The following RBFOX1 variants were observed in gnomAD, a reference collection of about 807,000 sequenced individuals.
The protein encoded by RBFOX1 is RNA binding fox-1 homolog 1.
Under a neutral mutation model 57.7 loss-of-function variants are expected in RBFOX1, and 8 were observed. The ratio of observed to expected loss-of-function variants is 0.14; its 90% CI spans 0.08 to 0.25. The LOEUF (loss-of-function observed/expected upper bound fraction) is 0.25, where lower values mean the gene tolerates loss of function less well. Among genes scored for constraint, RBFOX1 ranks in the 10% least tolerant of loss-of-function variants. The pLI is 1.00. For missense variants in RBFOX1, 611 were observed against 548.5 expected (o/e 1.11, Z -1.14); for synonymous variants, 326 against 222.4 (o/e 1.47, Z -4.15).
chr16:7,182,298 G>A (rs895288793), intron 4 of RBFOX1, among the ~76,000 whole-genome samples: 7 of 152,082 alleles, frequency 4.6e-5, no homozygotes, highest in East Asian at 1.9e-4. Flanking sequence ...GTTGAATTCC[G>A]AGAGTCACCT....
At chr16:5,765,616 T>C (rs918604130) in intron 3 of RBFOX1, among the ~76,000 whole-genome samples, 1 of 152,182 alleles carries the variant, frequency 6.6e-6, no homozygotes. Context: ...CTGCTATGGA[T>C]TCTCTGCAAA....
chr16:6,247,452 C>G (rs890075116), intron 1 of RBFOX1, among the ~76,000 whole-genome samples: 2 of 152,110 alleles, frequency 1.3e-5, no homozygotes, highest in African/African-American at 4.8e-5. Context: ...TAGGGAGAGG[C>G]AGTTAGCTCA....
At chr16:7,091,787 T>C (rs914240140) in intron 4 of RBFOX1, among the ~76,000 whole-genome samples, 3 of 152,226 alleles carry the variant, frequency 2.0e-5, no homozygotes, top group African/African-American at 4.8e-5. Flanking sequence ...ATCTGTACTC[T>C]ACATTCTAGA....
intron 2 of RBFOX1, among the ~76,000 whole-genome samples, chr16:6,367,641 T>C (rs905583269): frequency 6.6e-6 from 1 of 151,734 alleles, no homozygotes; most frequent in East Asian, 1.9e-4. Context: ...AAAAATACCA[T>C]GAGAACATGG....
chr16:7,385,691 A>T (rs1199365450), intron 4 of RBFOX1, among the ~76,000 whole-genome samples: 4 of 152,128 alleles, frequency 2.6e-5, no homozygotes, highest in Non-Finnish European at 4.4e-5. Context: ...CTGGCAGATG[A>T]CATCTCAAGA....
intron 3 of RBFOX1, among the ~76,000 whole-genome samples, chr16:5,842,769 A>G (rs966178143): frequency 1.3e-5 from 2 of 152,014 alleles, no homozygotes; most frequent in African/African-American, 4.8e-5. Context: ...CTGAACAGCT[A>G]CTGTGTACCA....
At chr16:7,665,464 G>A (rs1364841959) in intron 13 of RBFOX1, among the ~76,000 whole-genome samples, 1 of 152,040 alleles carries the variant, frequency 6.6e-6, no homozygotes, top group Non-Finnish European at 1.5e-5. Context: ...AACATCTCCT[G>A]ATTCTCTTAA....
chr16:6,334,003 G>C (rs1284703766), intron 2 of RBFOX1, among the ~76,000 whole-genome samples: 1 of 152,124 alleles, frequency 6.6e-6, no homozygotes, highest in African/African-American at 2.4e-5. Flanking sequence ...GGGTAGGGGG[G>C]AGCAGGAAAC....
At chr16:7,700,947 G>A (rs1331436632) in intron 14 of RBFOX1, among the ~76,000 whole-genome samples, 1 of 152,092 alleles carries the variant, frequency 6.6e-6, no homozygotes, top group African/African-American at 2.4e-5. Context: ...ATTTGTGTAC[G>A]TATTATGTAT....
At chr16:5,536,675 C>T (rs1050694291) in intron 2 of RBFOX1, among the ~76,000 whole-genome samples, 3 of 151,936 alleles carry the variant, frequency 2.0e-5, no homozygotes, top group Non-Finnish European at 2.9e-5. Context: ...ACTCCCATAA[C>T]ATTAGGAGTT....
intron 4 of RBFOX1, among the ~76,000 whole-genome samples, chr16:7,254,575 C>T (rs2094605719): frequency 2.0e-5 from 3 of 151,798 alleles, no homozygotes; most frequent in Non-Finnish European, 4.4e-5. Context: ...TCATTGTGTT[C>T]CAAAGGACCT....
chr16:5,440,888 GT>G (rs923506344), intron 1 of RBFOX1, among the ~76,000 whole-genome samples: 10 of 152,166 alleles, frequency 6.6e-5, no homozygotes, highest in African/African-American at 2.4e-4. Context: ...GTCCAAAAAG[GT>G]TAAGTGATTT....
At chr16:5,828,006 C>G (rs1200929579) in intron 3 of RBFOX1, among the ~76,000 whole-genome samples, 2 of 146,988 alleles carry the variant, frequency 1.4e-5, no homozygotes, top group East Asian at 4.2e-4. Context: ...ATCCATCCAT[C>G]CATCATCTAT....
At chr16:5,439,143 C>A (rs1004079451) in intron 1 of RBFOX1, among the ~76,000 whole-genome samples, 2 of 151,666 alleles carry the variant, frequency 1.3e-5, no homozygotes, top group Non-Finnish European at 2.9e-5. Flanking sequence ...TTGGGAAAAG[C>A]AAGCAGGGTG....
intron 1 of RBFOX1, among the ~76,000 whole-genome samples, 188 bp from the exon 2 acceptor site, chr16:6,316,807 A>T (rs191586770): frequency 4.9e-4 from 74 of 152,298 alleles, no homozygotes; most frequent in African/African-American, 1.7e-3. Flanking sequence ...ATCTGAGAGG[A>T]TGTAATAAAA....
intron 3 of RBFOX1, among the ~76,000 whole-genome samples, chr16:6,922,554 C>T (rs1028301518): frequency 2.6e-5 from 4 of 152,036 alleles, no homozygotes; most frequent in Admixed American, 2.0e-4. Context: ...TTTTCATTTC[C>T]AGGAGACAGT....
chr16:7,480,214 T>G (rs2191389), intron 4 of RBFOX1, among the ~76,000 whole-genome samples: 91,638 of 152,032 alleles, frequency 0.6, 28,950 homozygotes, highest in South Asian at 0.72. Flanking sequence ...TGTTCGTCTT[T>G]TTCTGCCTGC....
intron 2 of RBFOX1, among the ~76,000 whole-genome samples, chr16:6,493,416 A>G (rs2095680927): frequency 6.6e-6 from 1 of 152,162 alleles, no homozygotes. Context: ...GTACTGCAAA[A>G]TCATGATCCT....
rs200731430 is a variant in RBFOX1 at position 5,793,146 on chromosome 16, C to G, written c.319-74157C>G. Among the ~76,000 whole-genome samples, 14 of 152,294 alleles carry G rather than the reference C, an allele frequency of 9.2e-5. No individual in the cohort carries two copies. The East Asian group carries it at 2.7e-3, about 30-fold the overall frequency. On this transcript the variant is annotated intron_variant, in intron 3 of 19. Coordinates refer to the RBFOX1 transcript ENST00000641259. ...CACATGTCTCCATGACTCCCTTTCT[C>G]TCTGGCTGGTCTCACTTTTCTCTAA... is the stretch of plus-strand genomic sequence containing the variant.
Sources: gnomAD v4.1 joint callset for allele counts (sites outside exome capture counted in the v4.1 genomes callset) on GRCh38, gnomAD v4.1.1 for gene constraint, MANE v1.5 for transcripts, NCBI Gene and HGNC (gene_info 2026-07-23, HGNC 2026-07-21) for gene names.